Variants in PRDM15 observed in about 807,000 individuals in gnomAD.
The protein encoded by PRDM15 is PR domain zinc finger protein 15.
A neutral mutation model predicts 128.6 loss-of-function variants in PRDM15; 64 were observed. The ratio of observed to expected loss-of-function variants is 0.50; its 90% CI spans 0.41 to 0.61. The LOEUF (loss-of-function observed/expected upper bound fraction) is 0.61, where lower values mean the gene tolerates loss of function less well. Ranked by LOEUF, PRDM15 falls within the 20% of genes least tolerant of loss-of-function variation. The pLI, the probability that PRDM15 is intolerant of heterozygous loss-of-function variation, is 0.00. For synonymous variants in PRDM15, 615 were observed against 621.8 expected, an observed-to-expected ratio of 0.99 and a Z score of 0.16; for missense variants, 1,242 against 1,569.1, an observed-to-expected ratio of 0.79 and a Z score of 3.52.
chr21:41,863,664 G>A (rs560081524), intron 1 of PRDM15, among the ~76,000 whole-genome samples: 9 of 152,238 alleles, frequency 5.9e-5, no homozygotes, highest in Admixed American at 1.3e-4. Context: ...AACGCTCCGT[G>A]AAGACACCTG....
At position 41,821,270 on chromosome 21, in the gene PRDM15, G is replaced by A; in HGVS notation, c.1897-40C>T. 6.2e-7 allele frequency: 1 copy of A among 1,611,750 alleles called. No homozygotes were observed. The highest frequency in any genetic ancestry group is 8.5e-7 in the Non-Finnish European group (1 of 1,179,158). On this transcript the variant is annotated intron_variant, in intron 15 of 23. Transcript: ENST00000398548. This position sits in a 1 kb window ranked among gnomAD's most constrained non-coding sequence, Gnocchi z 5.4. ...GACAGGGCACTGCTGACACCCGCAT[G>A]AGGTCCCTGGTCCTCTTAGCTAATG...
At chr21:41,850,780 C>T (rs1432145048) in intron 5 of PRDM15, among the ~76,000 whole-genome samples, 2 of 152,098 alleles carry the variant, frequency 1.3e-5, no homozygotes, top group Non-Finnish European at 2.9e-5. Context: ...GTAAAATCCA[C>T]TACCAGAAAA....
At chr21:41,818,344 C>T (rs2062125241) in intron 18 of PRDM15, among the ~76,000 whole-genome samples, 3 of 152,272 alleles carry the variant, frequency 2.0e-5, no homozygotes, top group Non-Finnish European at 4.4e-5. Flanking sequence ...AGAGAAACCA[C>T]CGCAGTGGCT....
At chr21:41,875,708 C>T (rs948892518) in intron 1 of PRDM15, among the ~76,000 whole-genome samples, 11 of 152,210 alleles carry the variant, frequency 7.2e-5, no homozygotes, top group African/African-American at 2.7e-4. Context: ...GTTATATATT[C>T]ATGCTTGAAA....
At position 41,839,784 on chromosome 21, in the gene PRDM15, G is replaced by A; in HGVS notation, c.710C>T (p.Pro237Leu). 4 of 1,614,262 alleles carry A rather than the reference G, an allele frequency of 2.5e-6. No individual in the cohort carries two copies. The highest frequency in any genetic ancestry group is 3.4e-6 in the Non-Finnish European group (4 of 1,180,054). ...PPGSQSEAAA[P>L]EKEQDTPRGE... is the part of the protein sequence containing the mutation. ...CCGGGGTGTGTCCTGCTCCTTCTCGGGAGCTGCTGCCTCGCTTTGGCTGCC... is the reference window on the plus strand; with the variant it reads ...CCGGGGTGTGTCCTGCTCCTTCTCGAGAGCTGCTGCCTCGCTTTGGCTGCC... The change falls in exon 7 of 24, where the codon CCC becomes CTC. Residue 237 changes from proline to leucine, a missense_variant. Transcript: ENST00000398548.
intron 1 of PRDM15, among the ~76,000 whole-genome samples, chr21:41,876,618 C>T (rs74761870): frequency 0.013 from 1,917 of 152,178 alleles, 42 homozygotes; most frequent in African/African-American, 0.044. Flanking sequence ...GGGACCTTTC[C>T]TTAGGAGGAG....
In PRDM15 at chr21:41,804,515, G is replaced by A. The variant is rs778101394; in HGVS notation, c.2733+19C>T. ...CTTACCCCAAAGTTTCTGAGCCCCTGGGGCCCCATGCTGCTCACCTGGACG... is the reference window on the plus strand; with the variant it reads ...CTTACCCCAAAGTTTCTGAGCCCCTAGGGCCCCATGCTGCTCACCTGGACG... On this transcript the variant is annotated intron_variant, in intron 22 of 23. Transcript: ENST00000398548. 6.4e-7 allele frequency: 1 copy of A among 1,553,296 alleles called. No homozygotes were observed. The highest frequency in any genetic ancestry group is 2.0e-5 in the Admixed American group (1 of 51,236).
Position 41,828,018 on chromosome 21 carries a change from A to G in PRDM15, c.1534+148T>C. ...TGAGACAGGTTCTCAGAAGAGGATG[A>G]GCCCATCGGATGGCGGGCGTTTCCA... On this transcript the variant is annotated intron_variant, in intron 12 of 23. Transcript: ENST00000398548. The surrounding 1 kb of genome is among the most constrained non-coding windows in gnomAD (Gnocchi z 5.7). 1 of 722,586 alleles carries G rather than the reference A, an allele frequency of 1.4e-6. No homozygotes were observed. The highest frequency in any genetic ancestry group is 2.3e-6 in the Non-Finnish European group (1 of 432,102). The allele number at this position is 722,586 out of a possible 1,614,324, so 44.8% of individuals were successfully genotyped here. A position where few individuals can be genotyped will look rare whatever the true frequency, so the allele number is the denominator to read the frequency against.
At chr21:41,838,263 A>T (rs186675734) in intron 7 of PRDM15, among the ~76,000 whole-genome samples, 200 bp from the exon 8 acceptor site, 3 of 152,298 alleles carry the variant, frequency 2.0e-5, no homozygotes, top group Admixed American at 1.3e-4. Flanking sequence ...GAAAAGCAAA[A>T]TGTTTTTCTT....
intron 4 of PRDM15, among the ~76,000 whole-genome samples, chr21:41,855,070 T>A (rs902838329): frequency 2.0e-5 from 3 of 152,204 alleles, no homozygotes; most frequent in Admixed American, 6.5e-5. Flanking sequence ...TATGTGTCAT[T>A]GGGATACCTG....
chr21:41,834,540 C>T, intron 11 of PRDM15: 1 of 1,550,228 alleles, frequency 6.5e-7, no homozygotes, highest in Non-Finnish European at 8.7e-7. Flanking sequence ...GCCGGGCCCC[C>T]CCTCTCCAGG....
At chr21:41,826,376 T>C (rs139682914) in intron 12 of PRDM15, among the ~76,000 whole-genome samples, 3 of 152,336 alleles carry the variant, frequency 2.0e-5, no homozygotes, top group African/African-American at 7.2e-5. Context: ...AGAGCTATGA[T>C]GAGCTCCTAT....
rs1455801976 is a variant in PRDM15, at chr21:41,832,163, A to G, written c.1366+3274T>C. ...CTCACTTCTCAAAACTCACTTTGCT[A>G]TTTTTGACACTGTAGATAATTTAGT... On this transcript the variant is annotated intron_variant, in intron 11 of 23. Coordinates refer to ENST00000398548, the MANE Select transcript of PRDM15 (RefSeq NM_001040424.3). This position sits in a 1 kb window ranked among gnomAD's most constrained non-coding sequence, Gnocchi z 4.2. Among the ~76,000 whole-genome samples, 4 of 152,200 alleles carry G rather than the reference A, an allele frequency of 2.6e-5. No individual in the cohort carries two copies. The highest frequency in any genetic ancestry group is 5.9e-5 in the Non-Finnish European group (4 of 68,018).
intron 11 of PRDM15, among the ~76,000 whole-genome samples, chr21:41,830,555 C>T (rs28972681): frequency 0.011 from 1,626 of 150,760 alleles, 31 homozygotes; most frequent in African/African-American, 0.038. Context: ...ATCACACATA[C>T]CACAAATACA....
Position 41,811,542 on chromosome 21 carries a change from G to A in PRDM15, c.2393-706C>T, listed in dbSNP as rs1229258439. The A allele has an allele frequency of 1.3e-5, 2 of 152,338 alleles. No individual in the cohort carries two copies. The highest frequency in any genetic ancestry group is 2.1e-4 in the South Asian group (1 of 4,822). 9.4% of individuals were successfully genotyped at this position (152,338 alleles called of 1,614,324 possible). A position where few individuals can be genotyped will look rare whatever the true frequency, so the allele number is the denominator to read the frequency against. On this transcript the variant is annotated intron_variant, in intron 19 of 23. Coordinates refer to ENST00000398548, the MANE Select transcript of PRDM15 (RefSeq NM_001040424.3). The surrounding 1 kb of genome is among the most constrained non-coding windows in gnomAD (Gnocchi z 4.1). ...TGTGTGCCTGTAGTCCCAGCTACTC[G>A]AGAAGCTGAGGTGGGAGGATCACTT...
Position 41,862,183 on chromosome 21 carries a change from T to C in PRDM15, c.-9-1811A>G, listed in dbSNP as rs940953978. 2.0e-5 allele frequency among the ~76,000 whole-genome samples: 3 copies of C among 152,122 alleles called. No individual in the cohort carries two copies. The highest frequency in any genetic ancestry group is 7.2e-5 in the African/African-American group (3 of 41,436). ...GGAGGTGTAGGACCTGCGTGCCCCCTGCAGGAACCCACGTGACTCACGGTC... is the reference window on the plus strand; with the variant it reads ...GGAGGTGTAGGACCTGCGTGCCCCCCGCAGGAACCCACGTGACTCACGGTC... On this transcript the variant is annotated intron_variant, in intron 1 of 23. Transcript: ENST00000398548. The surrounding 1 kb of genome is among the most constrained non-coding windows in gnomAD (Gnocchi z 4.1).
intron 7 of PRDM15, 147 bp downstream of exon 7, chr21:41,839,476 A>G (rs2063000297): frequency 1.5e-6 from 1 of 653,970 alleles, no homozygotes; most frequent in Non-Finnish European, 2.7e-6. Context: ...ATTGAGAGAA[A>G]AACAGACGGG....
intron 11 of PRDM15, among the ~76,000 whole-genome samples, chr21:41,833,066 G>A (rs1287991148): frequency 1.3e-5 from 2 of 152,208 alleles, no homozygotes; most frequent in Non-Finnish European, 2.9e-5. Flanking sequence ...GGGGTCTGAC[G>A]AAGGGAGAGG....
At chr21:41,825,051 C>G (rs1197414455) in intron 13 of PRDM15, among the ~76,000 whole-genome samples, 1 of 152,212 alleles carries the variant, frequency 6.6e-6, no homozygotes, top group Non-Finnish European at 1.5e-5. Context: ...GCCACTTGAG[C>G]GACGTGCTGG....
Sources: gnomAD v4.1 joint callset for allele counts (sites outside exome capture counted in the v4.1 genomes callset) on GRCh38, gnomAD v4.1.1 for gene constraint, Gnocchi (gnomAD v3.1) non-coding constraint, MANE v1.5 for transcripts, NCBI Gene and HGNC (gene_info 2026-07-23, HGNC 2026-07-21) for gene names.